Variants in DLG2 observed in about 807,000 individuals in gnomAD.
The protein encoded by DLG2 is disks large homolog 2.
A neutral mutation model predicts 132.5 loss-of-function variants in DLG2; 45 were observed. The ratio of observed to expected loss-of-function variants is 0.34; its 90% CI spans 0.27 to 0.44. The LOEUF (loss-of-function observed/expected upper bound fraction) is 0.44. Ranked by LOEUF, DLG2 falls within the 20% of genes least tolerant of loss-of-function variation. DLG2 has a pLI of 1.00. For synonymous variants in DLG2, 424 were observed against 419.6 expected (o/e 1.01, Z -0.13); for missense variants, 1,045 against 1,196.9 (o/e 0.87, Z 1.87).
At chr11:84,781,836 G>A (rs2071837755) in intron 6 of DLG2, among the ~76,000 whole-genome samples, 1 of 152,090 alleles carries the variant, frequency 6.6e-6, no homozygotes, top group South Asian at 2.1e-4. Context: ...TTTAGTAGTC[G>A]AGAGATTCCA....
At chr11:85,177,090 C>A (rs900329771) in intron 4 of DLG2, among the ~76,000 whole-genome samples, 2 of 152,018 alleles carry the variant, frequency 1.3e-5, no homozygotes, top group African/African-American at 2.4e-5. Context: ...TTTGACCCAG[C>A]AATCCCATTA....
intron 5 of DLG2, among the ~76,000 whole-genome samples, chr11:85,115,853 T>C (rs190672298): frequency 1.3e-5 from 2 of 152,104 alleles, no homozygotes; most frequent in Non-Finnish European, 2.9e-5. Flanking sequence ...TTTTATGCTA[T>C]ACAGAGAGCT....
intron 6 of DLG2, among the ~76,000 whole-genome samples, chr11:84,767,183 T>C (rs11234165): frequency 0.48 from 73,194 of 151,828 alleles, 18,372 homozygotes; most frequent in Middle Eastern, 0.57. Context: ...ATACAGTAGA[T>C]GCTCATTAGA....
At chr11:83,813,739 T>C (rs2153968441) in intron 17 of DLG2, among the ~76,000 whole-genome samples, 1 of 152,272 alleles carries the variant, frequency 6.6e-6, no homozygotes, top group South Asian at 2.1e-4. Flanking sequence ...TTCTGCAGAA[T>C]GGTCTTGCAA....
chr11:85,457,184 CTT>C (rs35970313), intron 3 of DLG2, among the ~76,000 whole-genome samples: 7,077 of 132,450 alleles, frequency 0.053, 166 homozygotes, highest in Admixed American at 0.07. Flanking sequence ...CCTTCTTTGT[CTT>C]TTTTTTTTTT....
intron 6 of DLG2, among the ~76,000 whole-genome samples, chr11:84,543,202 T>C (rs754691392): frequency 1.3e-5 from 2 of 152,226 alleles, no homozygotes; most frequent in African/African-American, 2.4e-5. Context: ...TTTATTTCTG[T>C]TATTCCAATC....
At chr11:84,657,369 A>G (rs920733441) in intron 6 of DLG2, among the ~76,000 whole-genome samples, 4 of 152,156 alleles carry the variant, frequency 2.6e-5, no homozygotes, top group African/African-American at 7.2e-5. Flanking sequence ...AGAAAAGAGC[A>G]AAGAGCCATA....
chr11:85,463,603 TA>T (rs1011304763), intron 3 of DLG2, among the ~76,000 whole-genome samples: 9 of 152,074 alleles, frequency 5.9e-5, no homozygotes, highest in Non-Finnish European at 1.5e-5. Context: ...ACATAGTCTA[TA>T]AAAAAATTTT....
chr11:85,302,001 G>A (rs1025407569), intron 3 of DLG2, among the ~76,000 whole-genome samples: 6 of 152,110 alleles, frequency 3.9e-5, no homozygotes, highest in Non-Finnish European at 8.8e-5. Context: ...AAATAGTATA[G>A]TAGCAACACT....
intron 10 of DLG2, among the ~76,000 whole-genome samples, chr11:84,079,169 C>T (rs1219535074): frequency 6.6e-6 from 1 of 152,142 alleles, no homozygotes; most frequent in Non-Finnish European, 1.5e-5. Context: ...AGTTTATCCC[C>T]AGTATATTTC....
intron 15 of DLG2, among the ~76,000 whole-genome samples, chr11:83,903,523 T>G (rs955379321): frequency 6.6e-6 from 1 of 152,186 alleles, no homozygotes; most frequent in Admixed American, 6.5e-5. Context: ...AATTGTTGTA[T>G]GTTTATCCTG....
At chr11:85,567,235 T>TA (rs1475932482) in intron 3 of DLG2, among the ~76,000 whole-genome samples, 1 of 152,204 alleles carries the variant, frequency 6.6e-6, no homozygotes, top group Non-Finnish European at 1.5e-5. Flanking sequence ...TTGATAGGGA[T>TA]ATATTGAATC....
intron 10 of DLG2, among the ~76,000 whole-genome samples, chr11:84,069,257 T>C (rs1375705502): frequency 6.6e-6 from 1 of 152,226 alleles, no homozygotes; most frequent in East Asian, 1.9e-4. Flanking sequence ...TTGGCTCATG[T>C]ATGATTCATT....
At chr11:85,391,832 T>C (rs1320374378) in intron 3 of DLG2, among the ~76,000 whole-genome samples, 4 of 152,082 alleles carry the variant, frequency 2.6e-5, no homozygotes, top group African/African-American at 4.8e-5. Flanking sequence ...GTGAATAATA[T>C]ACTGACTGGG....
At chr11:84,387,135 C>A (rs2098773997) in intron 7 of DLG2, among the ~76,000 whole-genome samples, 1 of 151,978 alleles carries the variant, frequency 6.6e-6, no homozygotes, top group African/African-American at 2.4e-5. Context: ...CAGGTCATCC[C>A]CCATCACCAC....
chr11:84,546,501 A>G (rs2099390185), intron 6 of DLG2: 1 of 301,326 alleles, frequency 3.3e-6, no homozygotes, highest in Non-Finnish European at 6.7e-6. Flanking sequence ...CAGTGCAACC[A>G]TGAGCTGATA....
intron 3 of DLG2, among the ~76,000 whole-genome samples, chr11:85,593,023 G>A (rs1329643642): frequency 1.3e-5 from 2 of 151,422 alleles, no homozygotes; most frequent in African/African-American, 4.8e-5. Context: ...AGAAAGGAGG[G>A]AGGGAGGGAA....
chr11:84,965,638 G>C (rs1369571156), intron 6 of DLG2, among the ~76,000 whole-genome samples: 1 of 151,860 alleles, frequency 6.6e-6, no homozygotes. Flanking sequence ...AAAGGAAATG[G>C]GCCTACGGAA....
chr11:84,589,639 A>G (rs2099538236), intron 6 of DLG2, among the ~76,000 whole-genome samples: 1 of 152,192 alleles, frequency 6.6e-6, no homozygotes, highest in Admixed American at 6.5e-5. Context: ...AGTCTTATCA[A>G]TTACACATTC....
Sources: gnomAD v4.1 joint callset for allele counts (sites outside exome capture counted in the v4.1 genomes callset) on GRCh38, gnomAD v4.1.1 for gene constraint, MANE v1.5 for transcripts, NCBI Gene and HGNC (gene_info 2026-07-23, HGNC 2026-07-21) for gene names.